AGTPBP1: variants seen among roughly 807,000 people sequenced by gnomAD.
AGTPBP1 encodes the protein ATP/GTP binding carboxypeptidase 1.
In AGTPBP1, 70 loss-of-function variants were observed where a neutral mutation model predicts 143.9. The observed-to-expected ratio is 0.49, with a 90% CI of 0.40 to 0.59. The LOEUF (loss-of-function observed/expected upper bound fraction) is 0.59. Among genes scored for constraint, AGTPBP1 ranks in the 20% least tolerant of loss-of-function variants. The pLI, the probability that AGTPBP1 is intolerant of heterozygous loss-of-function variation, is 0.00. For missense variants in AGTPBP1, 1,229 were observed against 1,464.5 expected, an observed-to-expected ratio of 0.84 and a Z score of 2.62; for synonymous variants, 463 against 500.2, an observed-to-expected ratio of 0.93 and a Z score of 0.99.
At chr9:85,801,681 C>G in the AGTPBP1 span, among the ~76,000 whole-genome samples, 1 of 152,058 alleles carries the variant, frequency 6.6e-6, no homozygotes, top group South Asian at 2.1e-4. Context: ...TTTGAGAGGT[C>G]AGAGAGAAGC....
chr9:85,611,155 CTTTTTTTTTTTTT>C (rs56023115), intron 17 of AGTPBP1, among the ~76,000 whole-genome samples: 1 of 112,758 alleles, frequency 8.9e-6, no homozygotes, highest in Non-Finnish European at 1.8e-5. Flanking sequence ...AGGGGCTTTT[CTTTTTTTTTTTTT>C]TTTTTTGCAT....
At chr9:85,759,791 T>G in the AGTPBP1 span, among the ~76,000 whole-genome samples, 2 of 151,680 alleles carry the variant, frequency 1.3e-5, no homozygotes, top group African/African-American at 4.8e-5. Context: ...CTGAAGGAGA[T>G]AGAGACACAG....
chr9:85,722,665 C>G (rs1221886046), intron 1 of AGTPBP1, among the ~76,000 whole-genome samples: 1 of 152,202 alleles, frequency 6.6e-6, no homozygotes, highest in Non-Finnish European at 1.5e-5. Flanking sequence ...TTTCTGAAGC[C>G]TACTTCTGTC....
Position 85,620,638 on chromosome 9 carries a change from A to G in AGTPBP1, c.2099+564T>C, listed in dbSNP as rs1830874233. 2.0e-5 allele frequency among the ~76,000 whole-genome samples: 3 copies of G among 152,270 alleles called. No homozygotes were observed. The South Asian group carries it at 6.2e-4, about 32-fold the overall frequency. On this transcript the variant is annotated intron_variant, in intron 15 of 25. Coordinates refer to ENST00000357081, the MANE Select transcript of AGTPBP1 (RefSeq NM_001330701.2). ...TTAAATCCTAAAATGTGATGATATC[A>G]GTGACAATCCTAAATAGTAAATGAC...
chr9:85,562,787 T>C (rs749610157), intron 25 of AGTPBP1, among the ~76,000 whole-genome samples: 6 of 152,172 alleles, frequency 3.9e-5, no homozygotes, highest in Non-Finnish European at 5.9e-5. Context: ...AAAGAGTAAT[T>C]ATATAATATC....
At chr9:85,724,249 T>A (rs1429430166) in intron 1 of AGTPBP1, among the ~76,000 whole-genome samples, 1 of 147,334 alleles carries the variant, frequency 6.8e-6, no homozygotes, top group East Asian at 2.0e-4. Context: ...ATCACACCAT[T>A]GCACTCCAGC....
intron 11 of AGTPBP1, among the ~76,000 whole-genome samples, chr9:85,652,100 C>G (rs553503970): frequency 3.9e-5 from 6 of 152,302 alleles, no homozygotes; most frequent in Non-Finnish European, 8.8e-5. Flanking sequence ...CAGCCCCACT[C>G]CTCAACCTCT....
chr9:85,720,436 A>C (rs1454692180), intron 1 of AGTPBP1, among the ~76,000 whole-genome samples: 1 of 152,104 alleles, frequency 6.6e-6, no homozygotes, highest in Non-Finnish European at 1.5e-5. Flanking sequence ...TAGATTTTCT[A>C]GTTTATTTGC....
At chr9:85,795,502 T>A in the AGTPBP1 span, among the ~76,000 whole-genome samples, 1 of 152,216 alleles carries the variant, frequency 6.6e-6, no homozygotes, top group Non-Finnish European at 1.5e-5. Context: ...ACATTTGAGT[T>A]TGTTCATTCA....
rs1827549900 is a variant in AGTPBP1 at position 85,572,255 on chromosome 9, T to C, written c.3503+3060A>G. ...GTTGGCCAGGCTGGTCTGGAACTCC[T>C]GGCCTGACCTCAAGTGATCTGCCCA... On this transcript the variant is annotated intron_variant, in intron 25 of 25. Transcript: ENST00000357081. 2.6e-5 allele frequency among the ~76,000 whole-genome samples: 4 copies of C among 152,000 alleles called. No individual in the cohort carries two copies. The South Asian group carries it at 8.3e-4, about 32-fold the overall frequency.
At chr9:85,615,170 T>C (rs145831089) in intron 17 of AGTPBP1, among the ~76,000 whole-genome samples, 114 of 152,222 alleles carry the variant, frequency 7.5e-4, no homozygotes, top group African/African-American at 2.7e-3. Context: ...TAAATCCGGA[T>C]GGATGCTGTT....
At chr9:85,734,100 A>C (rs1839068868) in intron 1 of AGTPBP1, among the ~76,000 whole-genome samples, 1 of 152,146 alleles carries the variant, frequency 6.6e-6, no homozygotes, top group East Asian at 1.9e-4. Context: ...AAAAATACAA[A>C]AAATTAGCTG....
At chr9:85,573,318 C>G (rs1554691689) in intron 25 of AGTPBP1, among the ~76,000 whole-genome samples, 2 of 152,190 alleles carry the variant, frequency 1.3e-5, no homozygotes, top group Non-Finnish European at 2.9e-5. Context: ...GTTGGCCGGG[C>G]TGGTCTCCAG....
At chr9:85,750,510 T>C in the AGTPBP1 span, among the ~76,000 whole-genome samples, 1 of 152,218 alleles carries the variant, frequency 6.6e-6, no homozygotes, top group Non-Finnish European at 1.5e-5. Context: ...TCAAACCTTG[T>C]TCTAAAAATG....
At chr9:85,573,441 T>C (rs1002873464) in intron 25 of AGTPBP1, among the ~76,000 whole-genome samples, 1 of 152,130 alleles carries the variant, frequency 6.6e-6, no homozygotes, top group African/African-American at 2.4e-5. Context: ...AGTGGCGTGA[T>C]CTCGGCCCGC....
intron 11 of AGTPBP1, 30 bp from the exon 12 acceptor site, chr9:85,646,448 C>T (rs1226413162): frequency 1.3e-6 from 2 of 1,515,052 alleles, no homozygotes; most frequent in East Asian, 4.5e-5. Flanking sequence ...ATAAGTAGGT[C>T]AGAGGTAAGC....
At chr9:85,607,346 C>A (rs1256614396) in intron 17 of AGTPBP1, among the ~76,000 whole-genome samples, 1 of 151,988 alleles carries the variant, frequency 6.6e-6, no homozygotes, top group Non-Finnish European at 1.5e-5. Flanking sequence ...TTAAAACAAT[C>A]ATATTAAATG....
chr9:85,600,119 G>C (rs1829569661), intron 17 of AGTPBP1, among the ~76,000 whole-genome samples: 1 of 152,182 alleles, frequency 6.6e-6, no homozygotes, highest in Middle Eastern at 3.4e-3. Context: ...GTTAGCTACT[G>C]GTATTACTAT....
At chr9:85,665,343 A>G (rs575965997) in intron 8 of AGTPBP1, among the ~76,000 whole-genome samples, 35 of 152,280 alleles carry the variant, frequency 2.3e-4, no homozygotes, top group South Asian at 1.9e-3. Flanking sequence ...TTGCCAGCAA[A>G]CCACCAGAAG....
Sources: allele counts gnomAD v4.1 joint callset (sites outside exome capture counted in the v4.1 genomes callset), GRCh38; gene constraint gnomAD v4.1.1; transcripts MANE v1.5; gene names NCBI Gene and HGNC (gene_info 2026-07-23, HGNC 2026-07-21).